The following ESYT3 variants were observed in gnomAD, a reference collection of about 807,000 sequenced individuals.
ESYT3 encodes the protein extended synaptotagmin-3.
A neutral mutation model predicts 111.5 loss-of-function variants in ESYT3; 101 were observed. The ratio of observed to expected loss-of-function variants is 0.91; its 90% CI spans 0.77 to 1.07. The LOEUF is 1.07. ESYT3 is among the 50% of genes least tolerant of loss of function. The pLI is 0.00. For missense variants in ESYT3, 1,097 were observed against 1,109.4 expected (o/e 0.99, Z 0.16); for synonymous variants, 416 against 446.8 (o/e 0.93, Z 0.87).
intron 1 of ESYT3, among the ~76,000 whole-genome samples, chr3:138,451,000 G>C (rs767184053): frequency 6.6e-6 from 1 of 152,228 alleles, no homozygotes; most frequent in Non-Finnish European, 1.5e-5. Flanking sequence ...ACAGTGTTTT[G>C]TGCAGGTACC....
intron 19 of ESYT3, 70 bp downstream of exon 19, chr3:138,473,704 T>C (rs2033353410): frequency 7.5e-7 from 1 of 1,341,544 alleles, no homozygotes; most frequent in Admixed American, 1.8e-5. Flanking sequence ...GTAGGGACAC[T>C]CAGAGCAATG....
At position 138,469,520 on chromosome 3, in the gene ESYT3, G is replaced by A. The variant is rs745685889; in HGVS notation, c.1503+16G>A. The A allele has an allele frequency of 6.8e-6, 11 of 1,611,102 alleles. No homozygotes were observed. Among genetic ancestry groups the A allele is most frequent in the Admixed American group, 6.7e-5 (4 of 59,992 alleles). On this transcript the variant is annotated intron_variant, in intron 15 of 22. Transcript: ENST00000389567. ...TACAAGTAAGGTAAGACAGCTTGGT[G>A]TGTAGCCCTGGGGTAAGGAAACAAG... is the stretch of plus-strand genomic sequence containing the variant.
rs1576469557 is a variant in ESYT3 at position 138,473,625 on chromosome 3, A to G, written c.2327A>G (p.Asn776Ser). 5 of 1,613,286 alleles carry G rather than the reference A, an allele frequency of 3.1e-6. No individual in the cohort carries two copies. The highest frequency in any genetic ancestry group is 1.1e-5 in the South Asian group (1 of 91,056). The change falls in exon 19 of 23, where the codon AAT becomes AGT. Residue 776 changes from asparagine to serine, a missense_variant. Physicochemically the swap from Asn to Ser is conservative, Grantham distance 46. Transcript: ENST00000389567. ...CGGCGCTGCCTCAGCGTGCTAATCA[A>G]TGGCTGCAGGTAAAGGGATTCTAGG... ...CLRRCLSVLINGCRNLTPCTS... is the reference protein window; with the variant it reads ...CLRRCLSVLISGCRNLTPCTS...
intron 14 of ESYT3, 86 bp downstream of exon 14, chr3:138,468,967 C>T (rs1560239617): frequency 1.5e-6 from 2 of 1,374,662 alleles, no homozygotes; most frequent in Admixed American, 3.4e-5. Flanking sequence ...GTCTTCTGGG[C>T]CACAGTCTGT....
intron 1 of ESYT3, among the ~76,000 whole-genome samples, chr3:138,444,479 T>C (rs1228398749): frequency 6.6e-6 from 1 of 152,246 alleles, no homozygotes; most frequent in African/African-American, 2.4e-5. Flanking sequence ...GCTAGAGAGC[T>C]GGATTTGTCT....
At chr3:138,461,965 T>C in intron 7 of ESYT3, 121 bp from the exon 8 acceptor site, 2 of 1,441,500 alleles carry the variant, frequency 1.4e-6, no homozygotes, top group South Asian at 2.5e-5. Flanking sequence ...GGGTCAGGGC[T>C]GTTCTCTAGG....
Position 138,469,201 on chromosome 3 carries a change from C to G in ESYT3, c.1435-235C>G, listed in dbSNP as rs1195164290. ...AACGAGAGCCTGTGCCTGGCCAGGCCCAGCTCTGGCTTCTGGTCTTTTAAC... is the reference window on the plus strand; with the variant it reads ...AACGAGAGCCTGTGCCTGGCCAGGCGCAGCTCTGGCTTCTGGTCTTTTAAC... On this transcript the variant is annotated intron_variant, in intron 14 of 22. Transcript: ENST00000389567. The G allele has an allele frequency of 5.0e-6, 3 of 594,978 alleles. No individual in the cohort carries two copies. In the East Asian group the frequency reaches 8.4e-5, roughly 17 times the overall value. The allele number at this position is 594,978 out of a possible 1,614,324, so 36.9% of individuals were successfully genotyped here. A position where few individuals can be genotyped will look rare whatever the true frequency, so the allele number is the denominator to read the frequency against.
At chr3:138,455,541 C>T (rs930178050) in intron 3 of ESYT3, among the ~76,000 whole-genome samples, 1 of 152,178 alleles carries the variant, frequency 6.6e-6, no homozygotes, top group African/African-American at 2.4e-5. Context: ...ATCATCTCCC[C>T]AGGTTCCAAG....
rs2108603371 is a variant in ESYT3 at position 138,451,242 on chromosome 3, C to T, written c.328-806C>T. 2.6e-5 allele frequency among the ~76,000 whole-genome samples: 4 copies of T among 152,248 alleles called. No individual in the cohort carries two copies. In the Middle Eastern group the frequency reaches 0.01, roughly 388 times the overall value. On this transcript the variant is annotated intron_variant, in intron 1 of 22. Coordinates refer to ENST00000389567, the MANE Select transcript of ESYT3 (RefSeq NM_031913.5). Reference sequence around the variant, plus strand: ...GAGCTGGAGTGGTTAGGGGTTGTGACCCCGTAGTTGGAAGCTATGTGACTA... The same window carrying T: ...GAGCTGGAGTGGTTAGGGGTTGTGATCCCGTAGTTGGAAGCTATGTGACTA...
chr3:138,472,469 A>G lies in ESYT3; in HGVS notation c.1847A>G (p.Lys616Arg), dbSNP rs2033271541. The change falls in exon 18 of 23, where the codon AAA (lysine) becomes AGA (arginine). Residue 616 changes from lysine (K) to arginine (R), a missense_variant. Coordinates refer to ENST00000389567, the MANE Select transcript of ESYT3 (RefSeq NM_031913.5). ...IKKVATNQGP[K>R]AQPQEEGPTD... is the part of the protein sequence containing the mutation. ...AAAGTGGCTACCAACCAGGGTCCCA[A>G]AGCCCAACCTCAGGAAGAAGGCCCT... 6.2e-7 allele frequency: 1 copy of G among 1,614,186 alleles called. No homozygotes were observed. The highest frequency in any genetic ancestry group is 8.5e-7 in the Non-Finnish European group (1 of 1,180,022).
At chr3:138,474,188 T>G in intron 19 of ESYT3, 33 bp from the exon 20 acceptor site, 1 of 1,592,878 alleles carries the variant, frequency 6.3e-7, no homozygotes, top group East Asian at 2.2e-5. Context: ...GGGCCCTTTT[T>G]TTTTTTTCCT....
chr3:138,458,461 C>T (rs991433497), intron 4 of ESYT3, among the ~76,000 whole-genome samples: 2 of 152,222 alleles, frequency 1.3e-5, no homozygotes, highest in African/African-American at 2.4e-5. Context: ...CCATCTTCCC[C>T]GTCTGGCTCA....
rs1007768524 is a variant in ESYT3 at position 138,478,238 on chromosome 3, A to G, written c.*1384A>G. 2.2e-4 allele frequency: 34 copies of G among 152,284 alleles called. No individual in the cohort carries two copies. Among genetic ancestry groups the G allele is most frequent in the African/African-American group, 7.9e-4 (33 of 41,562 alleles). The allele number at this position is 152,284 out of a possible 1,614,324, so 9.4% of individuals were successfully genotyped here. ...CTACTTATATTGTATTTGGTATTTA[A>G]TTTTGTTTATTCTCCAGTTGAACAG... On this transcript the variant is annotated 3_prime_UTR_variant, in exon 23 of 23. Transcript: ENST00000389567.
rs1382518070 is a variant in ESYT3, at chr3:138,479,092, CTT to C, written c.*2240_*2241del. 2.0e-5 allele frequency: 3 copies of C among 151,974 alleles called. No individual in the cohort carries two copies. Among genetic ancestry groups the C allele is most frequent in the Non-Finnish European group, 4.4e-5 (3 of 68,008 alleles). The allele number at this position is 151,974 out of a possible 1,614,324, so 9.4% of individuals were successfully genotyped here. ...AATTATGAAACAAAACAAAAACAGA[CTT>C]TAAAAAAAATACAAAGTACACAGGA... On this transcript the variant is annotated 3_prime_UTR_variant, in exon 23 of 23. Transcript: ENST00000389567.
At chr3:138,468,480 T>C (rs1305831636) in intron 12 of ESYT3, among the ~76,000 whole-genome samples, 175 bp from the exon 13 acceptor site, 1 of 152,160 alleles carries the variant, frequency 6.6e-6, no homozygotes, top group East Asian at 1.9e-4. Flanking sequence ...GAATCTGTCA[T>C]GCACCAGTTA....
rs760775683 is a variant in ESYT3 at position 138,435,166 on chromosome 3, T to A, written c.327+41T>A. ...TGGGAGTGGGAGGTGGGGAGATGCC[T>A]TTCGAGGTTCGGAGGAACTTGCGGT... On this transcript the variant is annotated intron_variant, in intron 1 of 22. Transcript: ENST00000389567. The surrounding 1 kb of genome is among the most constrained non-coding windows in gnomAD (Gnocchi z 4.8). 2 of 1,497,134 alleles carry A rather than the reference T, an allele frequency of 1.3e-6. No individual in the cohort carries two copies. Among genetic ancestry groups the A allele is most frequent in the Admixed American group, 4.2e-5 (2 of 47,890 alleles). 92.7% of individuals were successfully genotyped at this position (1,497,134 alleles called of 1,614,324 possible).
At chr3:138,451,946 T>G (rs13095961) in intron 1 of ESYT3, 102 bp from the exon 2 acceptor site, 824,837 of 1,267,452 alleles carry the variant, frequency 0.65, 273,126 homozygotes, top group Admixed American at 0.71. Flanking sequence ...AGGGTTGAGG[T>G]GCAGCGCGTG....
At chr3:138,473,755 A>G (rs1319048397) in intron 19 of ESYT3, 121 bp downstream of exon 19, 12 of 861,808 alleles carry the variant, frequency 1.4e-5, no homozygotes, top group Non-Finnish European at 2.1e-5. Context: ...ACTTTGGGGG[A>G]AAAATGAGAT....
chr3:138,459,256 G>T lies in ESYT3; in HGVS notation c.648+3G>T. 6.4e-7 allele frequency: 1 copy of T among 1,555,034 alleles called. No individual in the cohort carries two copies. The highest frequency in any genetic ancestry group is 8.7e-7 in the Non-Finnish European group (1 of 1,143,138). ...AGGCTGGTGTGAACGGGATCCAGGT[G>T]GGTGGAGCCCGGTGGGGCTGCCTCT... On this transcript the variant is annotated splice_donor_region_variant and intron_variant, in intron 5 of 22. Coordinates refer to ENST00000389567, the MANE Select transcript of ESYT3 (RefSeq NM_031913.5).
Sources: allele counts gnomAD v4.1 joint callset (sites outside exome capture counted in the v4.1 genomes callset), GRCh38; gene constraint gnomAD v4.1.1; non-coding constraint Gnocchi (gnomAD v3.1); transcripts MANE v1.5; gene names NCBI Gene and HGNC (gene_info 2026-07-23, HGNC 2026-07-21).